Variants in CMSS1 observed in about 807,000 individuals in gnomAD.
The protein encoded by CMSS1 is cms1 ribosomal small subunit homolog.
In CMSS1, 33 loss-of-function variants were observed where a neutral mutation model predicts 43.5. The observed-to-expected ratio is 0.76, with a 90% CI of 0.57 to 1.01. The LOEUF is 1.01. Among genes scored for constraint, CMSS1 ranks in the 50% least tolerant of loss-of-function variants. CMSS1 has a pLI of 0.00. For missense variants in CMSS1, 313 were observed against 326.4 expected (o/e 0.96, Z 0.32); for synonymous variants, 115 against 117.2 (o/e 0.98, Z 0.12).
At chr3:99,949,287 T>A (rs1356059760) in intron 1 of CMSS1, among the ~76,000 whole-genome samples, 2 of 152,228 alleles carry the variant, frequency 1.3e-5, no homozygotes, top group African/African-American at 4.8e-5. Context: ...TATTTTGACA[T>A]ATTTGTATGA....
intron 1 of CMSS1, among the ~76,000 whole-genome samples, chr3:100,071,090 CTTTTTTTTTT>C (rs61563009): frequency 1.4e-4 from 10 of 70,588 alleles, no homozygotes; most frequent in African/African-American, 3.1e-4. Flanking sequence ...GCTACTCTCT[CTTTTTTTTTT>C]TTTTTTTTTT....
intron 1 of CMSS1, chr3:99,849,700 A>G (rs200199742): frequency 6.2e-7 from 1 of 1,613,436 alleles, no homozygotes; most frequent in African/African-American, 1.3e-5. Context: ...CCTTCGTTCT[A>G]GAGTCTCATA....
intron 1 of CMSS1, among the ~76,000 whole-genome samples, chr3:99,997,784 G>A (rs546047683): frequency 6.6e-6 from 1 of 152,238 alleles, no homozygotes; most frequent in South Asian, 2.1e-4. Flanking sequence ...AATAGCATGA[G>A]GTAATAGAGT....
At chr3:100,177,489 T>C (rs1576124371) in intron 9 of CMSS1, among the ~76,000 whole-genome samples, 1 of 152,264 alleles carries the variant, frequency 6.6e-6, no homozygotes, top group Non-Finnish European at 1.5e-5. Flanking sequence ...ATTTTTATTC[T>C]GTTGCTGTCA....
rs7634558 is a variant in CMSS1 at position 99,872,930 on chromosome 3, T to A, written c.64+54887T>A. Among the ~76,000 whole-genome samples, 1,341 of 151,282 alleles carry A rather than the reference T, an allele frequency of 8.9e-3. 11 individuals carry two copies. Among genetic ancestry groups the A allele is most frequent in the African/African-American group, 0.021 (873 of 41,280 alleles). ...AGAATCTCAAGTCTTTTTTTTTTTT[T>A]AAAAAAAGGAGGGATGTGCAAAGGC... On this transcript the variant is annotated intron_variant, in intron 1 of 9. Transcript: ENST00000421999.
chr3:100,171,742 C>A, intron 6 of CMSS1, 97 bp from the exon 7 acceptor site: 1 of 957,726 alleles, frequency 1.0e-6, no homozygotes, highest in Non-Finnish European at 1.7e-6. Flanking sequence ...CACGTATGCA[C>A]ACATCCTTTG....
At chr3:99,849,999 G>A (rs1420728190) in intron 1 of CMSS1, 14 of 1,608,192 alleles carry the variant, frequency 8.7e-6, no homozygotes, top group African/African-American at 5.4e-5. Context: ...CCTTGGTTAC[G>A]CTGTACATCT....
intron 1 of CMSS1, among the ~76,000 whole-genome samples, chr3:99,830,765 CAGTAA>C (rs1348034518): frequency 1.3e-5 from 2 of 152,156 alleles, no homozygotes; most frequent in Non-Finnish European, 2.9e-5. Context: ...AAAAGAATGT[CAGTAA>C]AGTAATCTGG....
chr3:99,839,689 A>T (rs1943045948), intron 1 of CMSS1, among the ~76,000 whole-genome samples: 1 of 152,238 alleles, frequency 6.6e-6, no homozygotes, highest in South Asian at 2.1e-4. Flanking sequence ...AAAGAGACAG[A>T]AGTATAAAAT....
At chr3:100,056,503 G>A (rs529021175) in intron 1 of CMSS1, among the ~76,000 whole-genome samples, 1 of 152,172 alleles carries the variant, frequency 6.6e-6, no homozygotes, top group East Asian at 1.9e-4. Context: ...ATCTGCTCTT[G>A]TTGAGCTAGA....
At position 99,850,325 on chromosome 3, in the gene CMSS1, C is replaced by T; in HGVS notation, c.64+32282C>T. On this transcript the variant is annotated intron_variant, in intron 1 of 9. Coordinates refer to ENST00000421999, the MANE Select transcript of CMSS1 (RefSeq NM_032359.4). Reference sequence around the variant, plus strand: ...GACAACTGCTTTGTGGTCATCCTTTCTTTTTCTAAATTGCATTTCAGAGAG... The same window carrying T: ...GACAACTGCTTTGTGGTCATCCTTTTTTTTTCTAAATTGCATTTCAGAGAG... The T allele has an allele frequency of 6.2e-7, 1 of 1,613,040 alleles. No individual in the cohort carries two copies. Among genetic ancestry groups the T allele is most frequent in the Non-Finnish European group, 8.5e-7 (1 of 1,179,846 alleles).
rs1199059300 is a variant in CMSS1, at chr3:100,051,893, CAT to C, written c.65-95075_65-95074del. Among the ~76,000 whole-genome samples, 8 of 147,558 alleles carry C rather than the reference CAT, an allele frequency of 5.4e-5. No individual in the cohort carries two copies. In the South Asian group the frequency reaches 1.3e-3, roughly 23 times the overall value. On this transcript the variant is annotated intron_variant, in intron 1 of 9. Coordinates refer to ENST00000421999, the MANE Select transcript of CMSS1 (RefSeq NM_032359.4). ...ATTTAATGTAATATATTTTATATGT[CAT>C]ATATTTATTAATATGTGTTATTAAA...
intron 1 of CMSS1, among the ~76,000 whole-genome samples, chr3:99,895,353 T>G (rs886323956): frequency 2.6e-5 from 4 of 152,074 alleles, no homozygotes; most frequent in Admixed American, 6.5e-5. Context: ...TCTCATATAT[T>G]TAGTGAGCTT....
At chr3:100,001,996 T>C (rs1243456973) in intron 1 of CMSS1, among the ~76,000 whole-genome samples, 3 of 152,148 alleles carry the variant, frequency 2.0e-5, no homozygotes, top group Non-Finnish European at 4.4e-5. Context: ...TTCTGAAGCT[T>C]TGTTGGAAAT....
intron 1 of CMSS1, among the ~76,000 whole-genome samples, chr3:100,119,342 T>C (rs2066601267): frequency 6.6e-6 from 1 of 152,214 alleles, no homozygotes; most frequent in Non-Finnish European, 1.5e-5. Flanking sequence ...TTTTCTTGAC[T>C]CACATCCCAA....
chr3:100,096,877 C>T (rs781478913), intron 1 of CMSS1, among the ~76,000 whole-genome samples: 1 of 151,802 alleles, frequency 6.6e-6, no homozygotes, highest in Non-Finnish European at 1.5e-5. Flanking sequence ...CTCATATACC[C>T]CATAAATATA....
chr3:100,065,955 T>C (rs899128513), intron 1 of CMSS1, among the ~76,000 whole-genome samples: 2 of 152,224 alleles, frequency 1.3e-5, no homozygotes, highest in African/African-American at 4.8e-5. Flanking sequence ...GGCCCCACAC[T>C]GGACCTTCTG....
At position 99,910,785 on chromosome 3, in the gene CMSS1, A is replaced by ATCAT. The variant is rs1706763007; in HGVS notation, c.64+92743_64+92744insCATT. ...AAGAAAGTAGATAACTAGAATATTTATGCCCATTTTATAGATGGAAGCATC... is the reference window on the plus strand; with the variant it reads ...AAGAAAGTAGATAACTAGAATATTTATCATTGCCCATTTTATAGATGGAAGCATC... On this transcript the variant is annotated intron_variant, in intron 1 of 9. Coordinates refer to ENST00000421999, the MANE Select transcript of CMSS1 (RefSeq NM_032359.4). Among the ~76,000 whole-genome samples the ATCAT allele has an allele frequency of 2.4e-5, 2 of 83,518 alleles. 1 individual carries two copies. The highest frequency in any genetic ancestry group is 6.5e-5 in the Non-Finnish European group (2 of 30,936). 54.8% of individuals were successfully genotyped at this position (83,518 alleles called of 152,430 possible). A position where few individuals can be genotyped will look rare whatever the true frequency, so the allele number is the denominator to read the frequency against.
chr3:99,994,871 G>A (rs1709629203), intron 1 of CMSS1, among the ~76,000 whole-genome samples: 1 of 152,162 alleles, frequency 6.6e-6, no homozygotes, highest in Admixed American at 6.5e-5. Context: ...GGGAGAAACT[G>A]CCTTCATGAT....
Sources: gnomAD v4.1 joint callset for allele counts (sites outside exome capture counted in the v4.1 genomes callset) on GRCh38, gnomAD v4.1.1 for gene constraint, MANE v1.5 for transcripts, NCBI Gene and HGNC (gene_info 2026-07-23, HGNC 2026-07-21) for gene names.